The following SYTL5 variants were observed in gnomAD, a reference collection of about 807,000 sequenced individuals.
The protein encoded by SYTL5 is synaptotagmin-like protein 5.
A neutral mutation model predicts 55.9 loss-of-function variants in SYTL5; 34 were observed. The ratio of observed to expected loss-of-function variants is 0.61; its 90% CI spans 0.46 to 0.81. SYTL5 has a LOEUF of 0.81. Among genes scored for constraint, SYTL5 ranks in the 30% least tolerant of loss-of-function variants. The pLI, the probability that SYTL5 is intolerant of heterozygous loss-of-function variation, is 0.00. For missense variants in SYTL5, 637 were observed against 546.7 expected (o/e 1.17, Z -1.65); for synonymous variants, 221 against 188.7 (o/e 1.17, Z -1.40).
Position 38,110,368 on chromosome X carries a change from A to C in SYTL5, c.1482A>C (p.Ser494=), listed in dbSNP as rs773887148. Reference sequence around the variant, plus strand: ...TGGAAACAAGAACTCTGCAGCTCTCAGTCTGGCACTATGATCGATTTGGAC... The same window carrying C: ...TGGAAACAAGAACTCTGCAGCTCTCCGTCTGGCACTATGATCGATTTGGAC... ...TQLETRTLQL[S]VWHYDRFGRN... The change falls in exon 13 of 17, where the codon TCA becomes TCC. Residue 494 remains serine (S), a synonymous_variant. Transcript: ENST00000297875. 1.7e-6 allele frequency: 2 copies of C among 1,208,561 alleles called. No individual in the cohort carries two copies. The highest frequency in any genetic ancestry group is 2.2e-6 in the Non-Finnish European group (2 of 893,515).
intron 4 of SYTL5, among the ~76,000 whole-genome samples, chrX:38,072,422 C>G (rs1936291973): frequency 8.9e-6 from 1 of 112,513 alleles, no homozygotes; most frequent in Admixed American, 9.4e-5. Context: ...CCATCATAGA[C>G]AGTTCTCTTT....
chrX:38,110,325 C>T lies in SYTL5; in HGVS notation c.1439C>T (p.Thr480Ile), dbSNP rs756170702. 8.3e-7 allele frequency: 1 copy of T among 1,202,536 alleles called. No individual in the cohort carries two copies. The highest frequency in any genetic ancestry group is 1.1e-6 in the Non-Finnish European group (1 of 890,497). ...TGTTGTAAATCTCATTCGCAGTACA[C>T]TATCAGCCATACCCAGCTGGAAACA... ...NPEFNETLKY[T>I]ISHTQLETRT... is the part of the protein sequence containing the mutation. The change falls in exon 13 of 17, where the codon ACT (threonine) becomes ATT (isoleucine). Residue 480 changes from threonine (T) to isoleucine (I), a missense_variant. Physicochemically the swap from Thr to Ile is moderately conservative, Grantham distance 89. Coordinates refer to ENST00000297875, the MANE Select transcript of SYTL5 (RefSeq NM_138780.3).
At position 38,127,343 on chromosome X, in the gene SYTL5, T is replaced by C. The variant is rs1937681527; in HGVS notation, c.*613T>C. 1 of 112,263 alleles carries C rather than the reference T, an allele frequency of 8.9e-6. No individual in the cohort carries two copies. Among genetic ancestry groups the C allele is most frequent in the African/African-American group, 3.2e-5 (1 of 30,870 alleles). 9.3% of individuals were successfully genotyped at this position (112,263 alleles called of 1,213,427 possible). A position where few individuals can be genotyped will look rare whatever the true frequency, so the allele number is the denominator to read the frequency against. On this transcript the variant is annotated 3_prime_UTR_variant, in exon 17 of 17. Transcript: ENST00000297875. ...ACTTTTTAGAACAAAGAGAGCTAAA[T>C]AACTACATCAGAACGATTGATGTTG...
At chrX:38,051,431 T>C (rs1935620928) in intron 2 of SYTL5, among the ~76,000 whole-genome samples, 1 of 111,798 alleles carries the variant, frequency 8.9e-6, no homozygotes, top group African/African-American at 3.3e-5. Flanking sequence ...TTCAAAATTC[T>C]AAGTGAGATT....
At chrX:38,043,692 C>T (rs7892514) in intron 2 of SYTL5, among the ~76,000 whole-genome samples, 4,810 of 44,628 alleles carry the variant, frequency 0.11, 248 homozygotes, top group African/African-American at 0.25. Flanking sequence ...TATATATATA[C>T]ATATATATAT....
chrX:37,977,173 C>T, the SYTL5 span, among the ~76,000 whole-genome samples: 2 of 111,264 alleles, frequency 1.8e-5, no homozygotes. Flanking sequence ...TCGAAAAGCT[C>T]AGATTCTTGC....
the SYTL5 span, among the ~76,000 whole-genome samples, chrX:37,891,134 T>C: frequency 8.9e-6 from 1 of 112,025 alleles, no homozygotes; most frequent in Admixed American, 9.4e-5. Context: ...TCAGTATATA[T>C]CCAAGAAAAA....
intron 7 of SYTL5, among the ~76,000 whole-genome samples, 162 bp from the exon 8 acceptor site, chrX:38,094,133 G>A (rs1936865399): frequency 8.9e-6 from 1 of 111,746 alleles, no homozygotes; most frequent in Admixed American, 9.5e-5. Flanking sequence ...GGTAAATTTT[G>A]AAGTTACATG....
intron 9 of SYTL5, 125 bp from the exon 10 acceptor site, chrX:38,102,217 G>T (rs751492594): frequency 2.2e-6 from 1 of 462,532 alleles, no homozygotes; most frequent in East Asian, 3.8e-5. Context: ...CCTAGGAATG[G>T]AGTGATTTCT....
intron 5 of SYTL5, 29 bp from the exon 6 acceptor site, chrX:38,076,538 T>C (rs1316974930): frequency 9.7e-6 from 10 of 1,032,009 alleles, no homozygotes; most frequent in Non-Finnish European, 1.3e-5. Flanking sequence ...CTTTCTTATC[T>C]AATTTTAAAT....
At chrX:37,975,302 C>T in the SYTL5 span, among the ~76,000 whole-genome samples, 1 of 111,898 alleles carries the variant, frequency 8.9e-6, no homozygotes, top group Non-Finnish European at 1.9e-5. Context: ...ACTTCCAGTC[C>T]TCCCCAGGCC....
At chrX:38,096,288 C>G in intron 9 of SYTL5, 54 bp downstream of exon 9, 1 of 751,249 alleles carries the variant, frequency 1.3e-6, no homozygotes, top group Non-Finnish European at 2.0e-6. Flanking sequence ...AGGGCATAAT[C>G]TTGCTCCAAG....
intron 16 of SYTL5, among the ~76,000 whole-genome samples, chrX:38,126,052 A>G (rs932788036): frequency 8.9e-6 from 1 of 112,215 alleles, no homozygotes; most frequent in African/African-American, 3.2e-5. Flanking sequence ...GTGAATTGGA[A>G]GAGGGATTAC....
intron 6 of SYTL5, among the ~76,000 whole-genome samples, 187 bp downstream of exon 6, chrX:38,076,888 G>A (rs1004496526): frequency 1.8e-4 from 20 of 111,728 alleles, no homozygotes; most frequent in African/African-American, 6.2e-4. Flanking sequence ...TAGAATTACA[G>A]CTATTGGAAT....
the SYTL5 span, among the ~76,000 whole-genome samples, chrX:37,927,403 A>G: frequency 1.8e-5 from 2 of 111,840 alleles, no homozygotes; most frequent in African/African-American, 6.5e-5. Context: ...GAGAGACTAA[A>G]GCAGGTAAAC....
At chrX:37,934,462 T>C in the SYTL5 span, among the ~76,000 whole-genome samples, 45 of 105,961 alleles carry the variant, frequency 4.2e-4, no homozygotes, top group African/African-American at 1.5e-3. Context: ...AAGAAAGAAT[T>C]AGTGGACTTG....
At chrX:38,025,373 CTAT>C (rs1270623624) in intron 1 of SYTL5, among the ~76,000 whole-genome samples, 2 of 112,109 alleles carry the variant, frequency 1.8e-5, no homozygotes, top group Non-Finnish European at 3.8e-5. Context: ...ATATCGGCCC[CTAT>C]TATTTTTAGG....
At chrX:37,905,811 TG>T in the SYTL5 span, among the ~76,000 whole-genome samples, 6 of 113,111 alleles carry the variant, frequency 5.3e-5, no homozygotes, top group Non-Finnish European at 9.4e-5. Context: ...TTTCACCCCT[TG>T]GCAGCGGGCG....
chrX:38,104,386 T>C (rs1937155841), intron 10 of SYTL5, among the ~76,000 whole-genome samples: 1 of 112,023 alleles, frequency 8.9e-6, no homozygotes, highest in Non-Finnish European at 1.9e-5. Flanking sequence ...ACTGAGGAGA[T>C]AAGCGTTTTC....
Sources: gnomAD v4.1 joint callset for allele counts (sites outside exome capture counted in the v4.1 genomes callset) on GRCh38, gnomAD v4.1.1 for gene constraint, MANE v1.5 for transcripts, NCBI Gene and HGNC (gene_info 2026-07-23, HGNC 2026-07-21) for gene names.